MYPN: variants seen among roughly 807,000 people sequenced by gnomAD.
The protein encoded by MYPN is myopalladin, also known as sarcomeric protein myopalladin, 145 kDa (MYOP).
A neutral mutation model predicts 129.4 loss-of-function variants in MYPN; 63 were observed. The ratio of observed to expected loss-of-function variants is 0.49; its 90% CI spans 0.40 to 0.60. MYPN has a LOEUF of 0.60. Ranked by LOEUF, MYPN falls within the 20% of genes least tolerant of loss-of-function variation. MYPN has a pLI of 0.00. For missense variants in MYPN, 1,596 were observed against 1,635.4 expected (o/e 0.98, Z 0.42); for synonymous variants, 629 against 600.9 (o/e 1.05, Z -0.68).
intron 4 of MYPN, among the ~76,000 whole-genome samples, chr10:68,147,029 C>A (rs1333112802): frequency 6.6e-6 from 1 of 152,148 alleles, no homozygotes; most frequent in African/African-American, 2.4e-5. Context: ...GTCACTTTCC[C>A]CCTCACAGTT....
At position 68,166,643 on chromosome 10, in the gene MYPN, T is replaced by C. The variant is rs767552324; in HGVS notation, c.1950T>C (p.Pro650=). 2 of 1,613,912 alleles carry C rather than the reference T, an allele frequency of 1.2e-6. No homozygotes were observed. The highest frequency in any genetic ancestry group is 1.7e-6 in the Non-Finnish European group (2 of 1,179,978). ...PEPSSPVKEP[P]PVLAKPKLDS... is the part of the protein sequence containing the mutation. ...CTTCTTCCCCCGTGAAAGAGCCCCC[T>C]CCAGTTCTGGCCAAACCCAAACTGT... Residue 650 remains proline, a synonymous_variant, in exon 10 of 20, where the codon CCT becomes CCC. Coordinates refer to ENST00000358913, the MANE Select transcript of MYPN (RefSeq NM_032578.4).
At chr10:68,176,072 T>A (rs2043223348) in intron 12 of MYPN, among the ~76,000 whole-genome samples, 2 of 152,048 alleles carry the variant, frequency 1.3e-5, no homozygotes, top group African/African-American at 4.8e-5. Flanking sequence ...AATTCTGGGG[T>A]TCTAAGCTGT....
chr10:68,185,221 A>G (rs544157050), intron 12 of MYPN, among the ~76,000 whole-genome samples: 2 of 145,434 alleles, frequency 1.4e-5, no homozygotes, highest in African/African-American at 2.5e-5. Context: ...GAAGAAGTGA[A>G]AAGAAAAGAA....
At chr10:68,179,740 A>C (rs1285483777) in intron 12 of MYPN, among the ~76,000 whole-genome samples, 1 of 151,182 alleles carries the variant, frequency 6.6e-6, no homozygotes, top group African/African-American at 2.4e-5. Flanking sequence ...CACTCATTGC[A>C]GCCTTGACTT....
chr10:68,102,819 G>C (rs1457409341), upstream of MYPN, among the ~76,000 whole-genome samples: 1 of 152,056 alleles, frequency 6.6e-6, no homozygotes, highest in African/African-American at 2.4e-5. Context: ...TTTATCCCCA[G>C]CTAAATTTAT....
At chr10:68,144,326 C>T (rs2042626756) in intron 3 of MYPN, among the ~76,000 whole-genome samples, 1 of 152,084 alleles carries the variant, frequency 6.6e-6, no homozygotes, top group Admixed American at 6.6e-5. Context: ...TTGGTTTTAG[C>T]ATTTAAACAT....
At position 68,196,516 on chromosome 10, in the gene MYPN, C is replaced by A. The variant is rs970713636; in HGVS notation, c.3159-836C>A. On this transcript the variant is annotated intron_variant, in intron 15 of 19. Coordinates refer to ENST00000358913, the MANE Select transcript of MYPN (RefSeq NM_032578.4). The stretch of plus-strand genomic sequence containing the variant: ...TTTTTTTTTTGAGATGGGGGTCTCA[C>A]TCTGTCACCCAGGCTGGAATGCAGT... Among the ~76,000 whole-genome samples the A allele has an allele frequency of 2.5e-3, 217 of 88,100 alleles. 7 individuals are homozygous for A. Among genetic ancestry groups the A allele is most frequent in the African/African-American group, 7.2e-3 (214 of 29,622 alleles). 57.8% of individuals were successfully genotyped at this position (88,100 alleles called of 152,430 possible).
At chr10:68,165,224 G>A (rs1440787275) in intron 8 of MYPN, among the ~76,000 whole-genome samples, 7 of 152,182 alleles carry the variant, frequency 4.6e-5, no homozygotes, top group Admixed American at 3.9e-4. Flanking sequence ...AGGCCAAGGC[G>A]GGCAGATCAC....
At chr10:68,191,759 A>AT (rs1458484930) in intron 13 of MYPN, among the ~76,000 whole-genome samples, 1 of 151,686 alleles carries the variant, frequency 6.6e-6, no homozygotes, top group Non-Finnish European at 1.5e-5. Flanking sequence ...TTACTTATTT[A>AT]TTTTTGTAGG....
In MYPN at chr10:68,174,436, A is replaced by G. The variant is rs765596732; in HGVS notation, c.2344A>G (p.Asn782Asp). The part of the protein sequence containing the change: ...TKSPGGLSIQ[N>D]EPLPPGPTEP... ...ATCTCCAGGAGGGCTTTCCATCCAA[A>G]ATGAGCCACTCCCACCAGGCCCAAC... Residue 782 changes from asparagine to aspartate, a missense_variant, in exon 11 of 20, where the codon AAT becomes GAT. Asn to Asp is a conservative substitution (Grantham distance 23). Transcript: ENST00000358913. 5.0e-6 allele frequency: 8 copies of G among 1,613,852 alleles called. No homozygotes were observed. The South Asian group carries it at 5.5e-5, about 11-fold the overall frequency.
At chr10:68,125,541 C>T (rs963835472) in intron 2 of MYPN, among the ~76,000 whole-genome samples, 3 of 152,102 alleles carry the variant, frequency 2.0e-5, no homozygotes, top group Admixed American at 6.6e-5. Flanking sequence ...ACTGTGTGTT[C>T]GGCACAGTGA....
intron 16 of MYPN, among the ~76,000 whole-genome samples, chr10:68,198,779 C>T (rs1311352117): frequency 6.6e-6 from 1 of 152,042 alleles, no homozygotes; most frequent in Non-Finnish European, 1.5e-5. Context: ...GAAAACCAAA[C>T]ACCACATGTT....
At chr10:68,154,488 G>A in intron 6 of MYPN, among the ~76,000 whole-genome samples, 1 of 152,162 alleles carries the variant, frequency 6.6e-6, no homozygotes, top group Middle Eastern at 3.2e-3. Flanking sequence ...GGAGTTCATG[G>A]GCCCCTCTCC....
At chr10:68,173,297 T>C (rs1320821936) in intron 10 of MYPN, among the ~76,000 whole-genome samples, 1 of 152,196 alleles carries the variant, frequency 6.6e-6, no homozygotes, top group Non-Finnish European at 1.5e-5. Context: ...TCAGCCCTTT[T>C]CAGTAACTCA....
At position 68,161,911 on chromosome 10, in the gene MYPN, C is replaced by T. The variant is rs1020341198; in HGVS notation, c.1483+159C>T. 6 of 575,560 alleles carry T rather than the reference C, an allele frequency of 1.0e-5. No individual in the cohort carries two copies. The African/African-American group carries it at 1.1e-4, about 11-fold the overall frequency. The allele number at this position is 575,560 out of a possible 1,614,324, so 35.7% of individuals were successfully genotyped here. A position where few individuals can be genotyped will look rare whatever the true frequency, so the allele number is the denominator to read the frequency against. On this transcript the variant is annotated intron_variant, in intron 8 of 19. Coordinates refer to ENST00000358913, the MANE Select transcript of MYPN (RefSeq NM_032578.4). ...GGTGCAGTGGCTCATGTCTGTAATT[C>T]CAGCACTTTGCGAGGCCGAGGCGGG...
chr10:68,157,769 G>A (rs1389884349), intron 6 of MYPN, among the ~76,000 whole-genome samples: 2 of 150,802 alleles, frequency 1.3e-5, no homozygotes, highest in African/African-American at 2.4e-5. Flanking sequence ...TTGAGCCTGG[G>A]AGGTTGAAGC....
At chr10:68,122,478 T>A in intron 2 of MYPN, 138 bp downstream of exon 2, 2 of 846,880 alleles carry the variant, frequency 2.4e-6, no homozygotes, top group East Asian at 2.6e-5. Context: ...TAAAGCAGCT[T>A]GGTCCAATAG....
In MYPN at chr10:68,148,472, A is replaced by G; in HGVS notation, c.1245+5A>G. The G allele has an allele frequency of 6.2e-7, 1 of 1,610,388 alleles. No individual in the cohort carries two copies. Among genetic ancestry groups the G allele is most frequent in the Non-Finnish European group, 8.5e-7 (1 of 1,176,612 alleles). ...CGTGTGGCAACCATCCAGCAGGTAC[A>G]AGAATCCAAGCGAAACACAAGTGCC... On this transcript the variant is annotated splice_donor_5th_base_variant and intron_variant, in intron 5 of 19. Transcript: ENST00000358913.
chr10:68,202,424 C>T (rs2134314276), intron 18 of MYPN, among the ~76,000 whole-genome samples: 1 of 151,232 alleles, frequency 6.6e-6, no homozygotes, highest in South Asian at 2.1e-4. Context: ...CAGAGTGAGA[C>T]TCCGTCTCAA....
Sources: gnomAD v4.1 joint callset for allele counts (sites outside exome capture counted in the v4.1 genomes callset) on GRCh38, gnomAD v4.1.1 for gene constraint, MANE v1.5 for transcripts, NCBI Gene and HGNC (gene_info 2026-07-23, HGNC 2026-07-21) for gene names.